Variants in PSD3 observed in about 807,000 individuals in gnomAD.
The protein encoded by PSD3 is PH and SEC7 domain-containing protein 3.
In PSD3, 49 loss-of-function variants were observed where a neutral mutation model predicts 105.5. The ratio of observed to expected loss-of-function variants is 0.46; its 90% CI spans 0.37 to 0.59. The LOEUF (loss-of-function observed/expected upper bound fraction) is 0.59. Ranked by LOEUF, PSD3 falls within the 20% of genes least tolerant of loss-of-function variation. The probability of loss-of-function intolerance (pLI) is 0.00; values close to 1 mark genes in which losing one functional copy is unlikely to be tolerated. For synonymous variants in PSD3, 557 were observed against 457.8 expected (o/e 1.22, Z -2.77); for missense variants, 1,561 against 1,263.8 (o/e 1.24, Z -3.57).
At chr8:18,555,653 T>C (rs146293297) in intron 15 of PSD3, among the ~76,000 whole-genome samples, 144 of 152,334 alleles carry the variant, frequency 9.5e-4, no homozygotes, top group African/African-American at 3.2e-3. Context: ...TTCCATGCCA[T>C]AGCATATGGA....
At chr8:18,949,544 G>C (rs7014600) in intron 1 of PSD3, among the ~76,000 whole-genome samples, 59,322 of 151,350 alleles carry the variant, frequency 0.39, 11,797 homozygotes, top group Non-Finnish European at 0.41. Context: ...TTCATTAAAG[G>C]TAAATATCTC....
intron 11 of PSD3, among the ~76,000 whole-genome samples, chr8:18,602,265 T>C (rs1804493747): frequency 6.6e-6 from 1 of 152,102 alleles, no homozygotes; most frequent in South Asian, 2.1e-4. Flanking sequence ...TTACAAAATT[T>C]TAAACAGCTC....
At chr8:19,048,610 A>G (rs1828409432) in intron 1 of PSD3, among the ~76,000 whole-genome samples, 1 of 152,324 alleles carries the variant, frequency 6.6e-6, no homozygotes, top group South Asian at 2.1e-4. Flanking sequence ...GCCAATAAAC[A>G]TGAGAACTGT....
chr8:18,738,604 G>A (rs1436241308), intron 9 of PSD3, among the ~76,000 whole-genome samples: 2 of 152,066 alleles, frequency 1.3e-5, no homozygotes, highest in Admixed American at 6.5e-5. Context: ...TCAGAAATGT[G>A]AATTCCATCA....
intron 2 of PSD3, among the ~76,000 whole-genome samples, chr8:18,933,236 T>C (rs749234519): frequency 2.6e-5 from 4 of 152,212 alleles, no homozygotes; most frequent in Non-Finnish European, 5.9e-5. Context: ...TTGCCTCGGC[T>C]ATGATATATC....
rs1801066645 is a variant in PSD3 at position 18,556,259 on chromosome 8, C to T, written c.2878G>A (p.Ala960Thr). ...RSYPPDKKVK[A>T]KDVDEYKLKD... is the part of the protein sequence containing the mutation. ...AGTTTGTACTCATCGACGTCCTTGG[C>T]TTTGACCTTCTTGTCGGGGGGATAT... Residue 960 changes from alanine (A) to threonine (T), a missense_variant, in exon 15 of 16, where the codon GCC becomes ACC. Coordinates refer to ENST00000327040, the MANE Select transcript of PSD3 (RefSeq NM_015310.4). 1 of 1,614,124 alleles carries T rather than the reference C, an allele frequency of 6.2e-7. No individual in the cohort carries two copies. The highest frequency in any genetic ancestry group is 1.6e-4 in the Middle Eastern group (1 of 6,062).
chr8:18,983,952 A>G (rs1210932821), intron 1 of PSD3, among the ~76,000 whole-genome samples: 5 of 151,748 alleles, frequency 3.3e-5, no homozygotes, highest in African/African-American at 1.2e-4. Context: ...TTGCAGTGAA[A>G]TATGATTGTG....
At chr8:18,676,298 T>A (rs1426724205) in intron 9 of PSD3, among the ~76,000 whole-genome samples, 1 of 152,118 alleles carries the variant, frequency 6.6e-6, no homozygotes, top group Admixed American at 6.5e-5. Context: ...AGTCTACTCA[T>A]AAATGGAGGG....
At chr8:18,777,144 G>C (rs965811199) in intron 8 of PSD3, among the ~76,000 whole-genome samples, 1 of 152,046 alleles carries the variant, frequency 6.6e-6, no homozygotes, top group Middle Eastern at 3.2e-3. Context: ...CTGGGTTCAA[G>C]CAATTCTTGT....
intron 14 of PSD3, among the ~76,000 whole-genome samples, chr8:18,568,794 G>A (rs1196139078): frequency 2.0e-5 from 3 of 151,614 alleles, no homozygotes; most frequent in African/African-American, 4.9e-5. Flanking sequence ...CCATGCTGGT[G>A]CGCTGCACCC....
At chr8:18,968,675 G>C (rs1824438422) in intron 1 of PSD3, among the ~76,000 whole-genome samples, 1 of 152,108 alleles carries the variant, frequency 6.6e-6, no homozygotes, top group African/African-American at 2.4e-5. Flanking sequence ...AGGAGTTTGA[G>C]ACCAGCCTGA....
chr8:18,950,616 G>A (rs889083536), intron 1 of PSD3, among the ~76,000 whole-genome samples: 11 of 152,116 alleles, frequency 7.2e-5, no homozygotes, highest in Non-Finnish European at 1.5e-4. Context: ...ACATACAAGT[G>A]AGAACATGCA....
intron 9 of PSD3, among the ~76,000 whole-genome samples, chr8:18,658,284 C>T (rs1357456120): frequency 1.3e-5 from 2 of 152,198 alleles, no homozygotes; most frequent in Admixed American, 6.5e-5. Context: ...AAGGAAGACG[C>T]TTTACAAATG....
intron 2 of PSD3, among the ~76,000 whole-genome samples, chr8:18,882,694 A>G (rs1282199166): frequency 1.3e-5 from 2 of 152,108 alleles, no homozygotes; most frequent in Non-Finnish European, 2.9e-5. Flanking sequence ...ACAGAAGCCT[A>G]TTTACATTTA....
At chr8:19,082,431 G>C (rs1050067282) in intron 1 of PSD3, among the ~76,000 whole-genome samples, 1 of 152,212 alleles carries the variant, frequency 6.6e-6, no homozygotes, top group Non-Finnish European at 1.5e-5. Flanking sequence ...GACGTCATCA[G>C]TGTTTTCATG....
chr8:18,655,808 T>C (rs1387155427), intron 9 of PSD3, 123 bp from the exon 10 acceptor site: 2 of 874,376 alleles, frequency 2.3e-6, no homozygotes, highest in Middle Eastern at 2.2e-4. Flanking sequence ...GTCAGTCACC[T>C]TGCTTTTAGA....
chr8:18,614,098 A>G (rs1805474478), intron 11 of PSD3, among the ~76,000 whole-genome samples: 2 of 152,134 alleles, frequency 1.3e-5, no homozygotes, highest in Admixed American at 1.3e-4. Flanking sequence ...CTGGTTTGTC[A>G]TCTCTTCTTA....
At chr8:18,608,178 C>G (rs936022286) in intron 11 of PSD3, among the ~76,000 whole-genome samples, 1 of 152,114 alleles carries the variant, frequency 6.6e-6, no homozygotes, top group Non-Finnish European at 1.5e-5. Context: ...CATGATCGTG[C>G]CACTGGATTC....
At chr8:18,741,143 T>C (rs1224114377) in intron 9 of PSD3, among the ~76,000 whole-genome samples, 2 of 151,756 alleles carry the variant, frequency 1.3e-5, no homozygotes, top group Non-Finnish European at 2.9e-5. Context: ...GAGATGAGAG[T>C]AAGTGGTGGG....
Sources: allele counts gnomAD v4.1 joint callset (sites outside exome capture counted in the v4.1 genomes callset), GRCh38; gene constraint gnomAD v4.1.1; transcripts MANE v1.5; gene names NCBI Gene and HGNC (gene_info 2026-07-23, HGNC 2026-07-21).